The following NKAIN2 variants were observed in gnomAD, a reference collection of about 807,000 sequenced individuals.
NKAIN2 encodes the protein sodium/potassium transporting ATPase interacting 2, also known as sodium/potassium-transporting ATPase subunit beta-1-interacting protein 2.
A neutral mutation model predicts 32.6 loss-of-function variants in NKAIN2; 14 were observed. The ratio of observed to expected loss-of-function variants is 0.43; its 90% CI spans 0.28 to 0.67. NKAIN2 has a LOEUF of 0.67. Among genes scored for constraint, NKAIN2 ranks in the 30% least tolerant of loss-of-function variants. The pLI is 0.17. For missense variants in NKAIN2, 198 were observed against 258.3 expected, an observed-to-expected ratio of 0.77 and a Z score of 1.60; for synonymous variants, 80 against 87.2, an observed-to-expected ratio of 0.92 and a Z score of 0.46.
intron 1 of NKAIN2, among the ~76,000 whole-genome samples, chr6:124,255,765 A>G (rs1793899806): frequency 6.6e-6 from 1 of 152,176 alleles, no homozygotes; most frequent in African/African-American, 2.4e-5. Context: ...AATTGAAACC[A>G]TCACCCCAGT....
intron 2 of NKAIN2, among the ~76,000 whole-genome samples, chr6:124,353,595 A>C: frequency 6.6e-6 from 1 of 152,146 alleles, no homozygotes; most frequent in East Asian, 1.9e-4. Flanking sequence ...TCTACTAAAA[A>C]TACAAAAAAA....
At chr6:124,335,741 A>G (rs1376051729) in intron 2 of NKAIN2, among the ~76,000 whole-genome samples, 1 of 152,140 alleles carries the variant, frequency 6.6e-6, no homozygotes, top group Non-Finnish European at 1.5e-5. Context: ...AACATTCTCT[A>G]CAATATTTTT....
At chr6:123,819,676 G>A (rs553269575) in intron 1 of NKAIN2, among the ~76,000 whole-genome samples, 1 of 152,146 alleles carries the variant, frequency 6.6e-6, no homozygotes, top group African/African-American at 2.4e-5. Flanking sequence ...ACATGCCCTT[G>A]GAGATGCCCC....
At chr6:124,776,035 T>C (rs1321677004) in intron 4 of NKAIN2, among the ~76,000 whole-genome samples, 2 of 152,188 alleles carry the variant, frequency 1.3e-5, no homozygotes, top group Admixed American at 1.3e-4. Context: ...TCCTTTTCCC[T>C]GAGGCTGGCA....
chr6:124,082,260 T>A (rs1784006246), intron 1 of NKAIN2, among the ~76,000 whole-genome samples: 1 of 152,052 alleles, frequency 6.6e-6, no homozygotes, highest in Non-Finnish European at 1.5e-5. Context: ...TCAATGAAAA[T>A]CAAAGTGTTA....
At chr6:124,457,311 G>A (rs1776361067) in intron 3 of NKAIN2, among the ~76,000 whole-genome samples, 1 of 151,924 alleles carries the variant, frequency 6.6e-6, no homozygotes, top group Admixed American at 6.6e-5. Flanking sequence ...TAGGGCATTT[G>A]TTTACTTGAA....
chr6:124,293,512 G>A (rs943604435), intron 2 of NKAIN2, among the ~76,000 whole-genome samples: 1 of 151,998 alleles, frequency 6.6e-6, no homozygotes, highest in Non-Finnish European at 1.5e-5. Flanking sequence ...AATGTTCTTA[G>A]AACTAATCTA....
intron 1 of NKAIN2, among the ~76,000 whole-genome samples, chr6:123,849,095 G>A (rs1775208322): frequency 1.3e-5 from 2 of 152,098 alleles, no homozygotes; most frequent in African/African-American, 2.4e-5. Context: ...CCTTAACTTT[G>A]CTGTACTTGC....
chr6:124,279,339 C>T (rs568324955), intron 1 of NKAIN2, among the ~76,000 whole-genome samples: 11 of 152,072 alleles, frequency 7.2e-5, no homozygotes, highest in Admixed American at 3.3e-4. Context: ...AACCCCGTCT[C>T]TACTAAAAAG....
chr6:124,762,491 A>G (rs1217640917), intron 4 of NKAIN2, among the ~76,000 whole-genome samples: 1 of 152,176 alleles, frequency 6.6e-6, no homozygotes, highest in African/African-American at 2.4e-5. Flanking sequence ...TTTCTTCATA[A>G]GAGAGAAAAA....
At chr6:124,329,836 C>G (rs147905029) in intron 2 of NKAIN2, among the ~76,000 whole-genome samples, 2 of 152,132 alleles carry the variant, frequency 1.3e-5, no homozygotes, top group African/African-American at 2.4e-5. Context: ...TCTCTAGTAG[C>G]AATACAGTAT....
chr6:124,037,154 G>A (rs1781637766), intron 1 of NKAIN2, among the ~76,000 whole-genome samples: 2 of 152,090 alleles, frequency 1.3e-5, no homozygotes, highest in Non-Finnish European at 2.9e-5. Context: ...AAAAGAGGAA[G>A]TGATCACTTC....
intron 1 of NKAIN2, among the ~76,000 whole-genome samples, chr6:124,212,148 C>T (rs1332537381): frequency 2.0e-5 from 3 of 152,042 alleles, no homozygotes; most frequent in Non-Finnish European, 4.4e-5. Context: ...TAGTACAGTT[C>T]TCTAGTGACA....
chr6:124,139,074 T>TA (rs1450568747), intron 1 of NKAIN2, among the ~76,000 whole-genome samples: 13 of 116,464 alleles, frequency 1.1e-4, no homozygotes, highest in East Asian at 2.4e-4. Flanking sequence ...CTTTTTTAAA[T>TA]AAAAATTTTT....
At chr6:124,452,314 A>C (rs777796651) in intron 3 of NKAIN2, among the ~76,000 whole-genome samples, 3 of 151,896 alleles carry the variant, frequency 2.0e-5, no homozygotes, top group Non-Finnish European at 4.4e-5. Context: ...TGTTGACCAG[A>C]GCATTGGTCA....
chr6:123,916,540 G>A (rs930080608), intron 1 of NKAIN2, among the ~76,000 whole-genome samples: 4 of 152,102 alleles, frequency 2.6e-5, no homozygotes, highest in Non-Finnish European at 5.9e-5. Flanking sequence ...TGGAATTACA[G>A]GTGTGAGCCA....
intron 1 of NKAIN2, among the ~76,000 whole-genome samples, chr6:123,961,262 C>T (rs1278791558): frequency 6.6e-6 from 1 of 152,004 alleles, no homozygotes; most frequent in Non-Finnish European, 1.5e-5. Context: ...AAAAAATAAG[C>T]CCTAAAACTG....
intron 1 of NKAIN2, among the ~76,000 whole-genome samples, chr6:123,848,467 T>G (rs955111641): frequency 1.1e-4 from 16 of 152,188 alleles, no homozygotes; most frequent in Non-Finnish European, 2.2e-4. Flanking sequence ...GTCAGTGAGT[T>G]CTCACAAGAT....
chr6:124,233,254 A>G (rs1792556215), intron 1 of NKAIN2, among the ~76,000 whole-genome samples: 1 of 152,196 alleles, frequency 6.6e-6, no homozygotes, highest in Admixed American at 6.5e-5. Context: ...TTCACTCTAT[A>G]TGTGAATTTT....
Sources: allele counts gnomAD v4.1 joint callset (sites outside exome capture counted in the v4.1 genomes callset), GRCh38; gene constraint gnomAD v4.1.1; transcripts MANE v1.5; gene names NCBI Gene and HGNC (gene_info 2026-07-23, HGNC 2026-07-21).